ITPR3: variants seen among roughly 807,000 people sequenced by gnomAD.
ITPR3 encodes inositol 1,4,5-trisphosphate-gated calcium channel ITPR3.
A neutral mutation model predicts 293.2 loss-of-function variants in ITPR3; 173 were observed. The observed-to-expected ratio is 0.59, with a 90% CI of 0.52 to 0.67. The LOEUF (loss-of-function observed/expected upper bound fraction) is 0.67, where lower values mean the gene tolerates loss of function less well. Among genes scored for constraint, ITPR3 ranks in the 30% least tolerant of loss-of-function variants. The pLI is 0.00. For missense variants in ITPR3, 2,796 were observed against 3,592.1 expected, an observed-to-expected ratio of 0.78 and a Z score of 5.66; for synonymous variants, 1,295 against 1,444.4, an observed-to-expected ratio of 0.90 and a Z score of 2.35.
intron 30 of ITPR3, 97 bp downstream of exon 30, chr6:33,678,936 G>A: frequency 7.9e-7 from 1 of 1,268,972 alleles, no homozygotes; most frequent in Non-Finnish European, 1.1e-6. Context: ...GTCAGACGGT[G>A]GGTCACAAAA....
rs747314180 is a variant in ITPR3 at position 33,667,851 on chromosome 6, C to T, written c.1773C>T (p.Ala591=). ...MQSQIGYDIL[A]EDTITALLHN... ...CCCAGATTGGCTACGACATCCTGGC[C>T]GAGGACACCATCACTGCCCTGCTGC... The change falls in exon 16 of 58, where the codon GCC becomes GCT. Residue 591 remains alanine, a synonymous_variant. Coordinates refer to ENST00000605930, the MANE Select transcript of ITPR3 (RefSeq NM_002224.4). This position sits in a 1 kb window ranked among gnomAD's most constrained non-coding sequence, Gnocchi z 4.4. 7 of 1,614,028 alleles carry T rather than the reference C, an allele frequency of 4.3e-6. No homozygotes were observed. Among genetic ancestry groups the T allele is most frequent in the South Asian group, 2.2e-5 (2 of 91,082 alleles).
intron 1 of ITPR3, among the ~76,000 whole-genome samples, chr6:33,622,403 C>A (rs770612396): frequency 2.6e-5 from 4 of 152,194 alleles, no homozygotes; most frequent in Non-Finnish European, 4.4e-5. Context: ...AATCAGTTCA[C>A]GTCCCTGGAG....
In ITPR3 at chr6:33,693,645, C is replaced by T. The variant is rs1765455826; in HGVS notation, c.7725C>T (p.Val2575=). 1.2e-6 allele frequency: 2 copies of T among 1,614,094 alleles called. No homozygotes were observed. The highest frequency in any genetic ancestry group is 1.7e-6 in the Non-Finnish European group (2 of 1,180,046). The change falls in exon 56 of 58, where the codon GTC becomes GTT. Residue 2575 remains valine (V), a synonymous_variant. Transcript: ENST00000605930. ...ACTACTTGTACTTCATTGTGCTGGT[C>T]CGCGTGAAGAACAAGACCGACTACA... ...MWNYLYFIVL[V]RVKNKTDYTG...
chr6:33,654,659 C>G lies in ITPR3; in HGVS notation c.161-1107C>G, dbSNP rs62407648. On this transcript the variant is annotated intron_variant, in intron 2 of 57. Transcript: ENST00000605930. The surrounding 1 kb of genome is among the most constrained non-coding windows in gnomAD (Gnocchi z 4.1). ...GTTTCTGGGACCCTCGAGTGGCTCTCTCCTCTCCAGTCTCCCCACACAGCC... is the reference window on the plus strand; with the variant it reads ...GTTTCTGGGACCCTCGAGTGGCTCTGTCCTCTCCAGTCTCCCCACACAGCC... Among the ~76,000 whole-genome samples the G allele has an allele frequency of 0.18, 27,063 of 152,168 alleles. 3,099 individuals carry two copies. Among genetic ancestry groups the G allele is most frequent in the South Asian group, 0.25 (1,206 of 4,824 alleles).
At position 33,621,828 on chromosome 6, in the gene ITPR3, G is replaced by A; in HGVS notation, c.89+137G>A. 1 of 656,618 alleles carries A rather than the reference G, an allele frequency of 1.5e-6. No individual in the cohort carries two copies. Among genetic ancestry groups the A allele is most frequent in the Non-Finnish European group, 2.7e-6 (1 of 373,060 alleles). The allele number at this position is 656,618 out of a possible 1,614,324, so 40.7% of individuals were successfully genotyped here. The stretch of plus-strand genomic sequence containing the variant: ...TAGTCTCAAGGAGCGGGAACGGCTC[G>A]CCTCCTTCTTTTACAGAAAGGAAGT... On this transcript the variant is annotated intron_variant, in intron 1 of 57. Coordinates refer to ENST00000605930, the MANE Select transcript of ITPR3 (RefSeq NM_002224.4). This position sits in a 1 kb window ranked among gnomAD's most constrained non-coding sequence, Gnocchi z 7.7.
At position 33,684,582 on chromosome 6, in the gene ITPR3, TC is replaced by T; in HGVS notation, c.5047-13del. 2.5e-6 allele frequency: 4 copies of T among 1,613,324 alleles called. No individual in the cohort carries two copies. Among genetic ancestry groups the T allele is most frequent in the Non-Finnish European group, 3.4e-6 (4 of 1,179,346 alleles). ...GGCTGTACCCACAATGGGGCCTCACTCCCATCCTCCCCCAGGGCAACCAGCT... is the reference window on the plus strand; with the variant it reads ...GGCTGTACCCACAATGGGGCCTCACTCCATCCTCCCCCAGGGCAACCAGCT... On this transcript the variant is annotated splice_polypyrimidine_tract_variant and intron_variant, in intron 37 of 57. Coordinates refer to ENST00000605930, the MANE Select transcript of ITPR3 (RefSeq NM_002224.4). This position sits in a 1 kb window ranked among gnomAD's most constrained non-coding sequence, Gnocchi z 4.2.
At position 33,625,389 on chromosome 6, in the gene ITPR3, C is replaced by A. The variant is rs563282640; in HGVS notation, c.89+3698C>A. Among the ~76,000 whole-genome samples the A allele has an allele frequency of 2.0e-5, 3 of 152,294 alleles. No individual in the cohort carries two copies. The South Asian group carries it at 6.2e-4, about 32-fold the overall frequency. ...GGATTACAGGCATGTGCCTCCACAC[C>A]CAGCTAATTTTGTATTTTTAGTAGA... On this transcript the variant is annotated intron_variant, in intron 1 of 57. Transcript: ENST00000605930.
rs1440749132 is a variant in ITPR3 at position 33,682,550 on chromosome 6, G to A, written c.4503G>A (p.Leu1501=). Residue 1501 remains leucine (L), a synonymous_variant, in exon 34 of 58, where the codon CTG becomes CTA. Transcript: ENST00000605930. The surrounding 1 kb of genome is among the most constrained non-coding windows in gnomAD (Gnocchi z 5.4). Reference sequence around the variant, plus strand: ...CACACCAGACGATTGTGGTGCAGCTGCTGCAGTCTACCACACGCCTCCTCG... The same window carrying A: ...CACACCAGACGATTGTGGTGCAGCTACTGCAGTCTACCACACGCCTCCTCG... ...LQTHQTIVVQ[L]LQSTTRLLEC... 1.9e-6 allele frequency: 3 copies of A among 1,556,956 alleles called. No homozygotes were observed. The highest frequency in any genetic ancestry group is 2.6e-6 in the Non-Finnish European group (3 of 1,149,686).
At chr6:33,622,530 A>T (rs1270506214) in intron 1 of ITPR3, among the ~76,000 whole-genome samples, 2 of 152,128 alleles carry the variant, frequency 1.3e-5, no homozygotes, top group Non-Finnish European at 2.9e-5. Flanking sequence ...TGGTTTCTCC[A>T]GCCAGACCCC....
intron 1 of ITPR3, among the ~76,000 whole-genome samples, chr6:33,625,853 T>C (rs145118519): frequency 3.3e-5 from 5 of 152,280 alleles, no homozygotes; most frequent in African/African-American, 9.6e-5. Flanking sequence ...GTCTCCAGGC[T>C]CAGGATCCCT....
Position 33,667,109 on chromosome 6 carries a change from C to G in ITPR3, c.1552-20C>G, listed in dbSNP as rs774435497. 5.6e-6 allele frequency: 9 copies of G among 1,611,552 alleles called. No individual in the cohort carries two copies. In the Admixed American group the frequency reaches 1.3e-4, roughly 24 times the overall value. ...AGACAGGTGTTGGGGAATCAGTCCTCACCCTCTGTATTCCCCCAGGTCTTT... is the reference window on the plus strand; with the variant it reads ...AGACAGGTGTTGGGGAATCAGTCCTGACCCTCTGTATTCCCCCAGGTCTTT... On this transcript the variant is annotated intron_variant, in intron 14 of 57. Transcript: ENST00000605930. The surrounding 1 kb of genome is among the most constrained non-coding windows in gnomAD (Gnocchi z 4.4).
rs1177295708 is a variant in ITPR3 at position 33,655,813 on chromosome 6, C to A, written c.208C>A (p.Gln70Lys). 6.2e-7 allele frequency: 1 copy of A among 1,614,080 alleles called. No individual in the cohort carries two copies. Among genetic ancestry groups the A allele is most frequent in the South Asian group, 1.1e-5 (1 of 91,080 alleles). ...CPMNRYSAQK[Q>K]YWKAKQTKQD... ...CATGAACCGCTACTCGGCCCAGAAGCAGTACTGGAAGGCCAAGCAGACTAA... is the reference window on the plus strand; with the variant it reads ...CATGAACCGCTACTCGGCCCAGAAGAAGTACTGGAAGGCCAAGCAGACTAA... The change falls in exon 3 of 58, where the codon CAG becomes AAG. Residue 70 changes from glutamine to lysine, a missense_variant. Physicochemically the swap from Gln to Lys is moderately conservative, Grantham distance 53. This residue lies in a region of ITPR3 where 53 missense variants were observed against 45.7 expected (regional missense o/e 1.16). Transcript: ENST00000605930. This position sits in a 1 kb window ranked among gnomAD's most constrained non-coding sequence, Gnocchi z 4.9.
At chr6:33,671,828 T>A (rs946846248) in intron 21 of ITPR3, among the ~76,000 whole-genome samples, 22 of 152,000 alleles carry the variant, frequency 1.4e-4, no homozygotes, top group African/African-American at 5.3e-4. Context: ...CCCTGACACC[T>A]CCTTCTTTTC....
chr6:33,690,556 C>T (rs977159338), intron 51 of ITPR3, among the ~76,000 whole-genome samples: 5 of 152,222 alleles, frequency 3.3e-5, no homozygotes, highest in African/African-American at 1.2e-4. Context: ...GGGATAACAA[C>T]AGCCCCTGCA....
In ITPR3 at chr6:33,674,319, C is replaced by A. The variant is rs371282921; in HGVS notation, c.3116+54C>A. On this transcript the variant is annotated intron_variant, in intron 24 of 57. Coordinates refer to ENST00000605930, the MANE Select transcript of ITPR3 (RefSeq NM_002224.4). The stretch of plus-strand genomic sequence containing the variant: ...TGTGGGGTTGGGAGGCTCGACACCC[C>A]CTCTTGGTCTGGTCTGGGTTCCTGG... The A allele has an allele frequency of 2.8e-4, 430 of 1,562,340 alleles. 1 individual carries two copies. In the African/African-American group the frequency reaches 5.1e-3, roughly 19 times the overall value.
At chr6:33,678,933 G>A (rs375193497) in intron 30 of ITPR3, 94 bp downstream of exon 30, 4 of 1,279,276 alleles carry the variant, frequency 3.1e-6, no homozygotes, top group East Asian at 2.5e-5. Flanking sequence ...GAAGTCAGAC[G>A]GTGGGTCACA....
Position 33,658,128 on chromosome 6 carries a change from C to A in ITPR3, c.369+110C>A. ...ATTGCCCTCTGTGCATGTGTGTCCC[C>A]GGGTGAATGAGTGGCCCTGGGGCCA... is the stretch of plus-strand genomic sequence containing the variant. On this transcript the variant is annotated intron_variant, in intron 4 of 57. Transcript: ENST00000605930. The surrounding 1 kb of genome is among the most constrained non-coding windows in gnomAD (Gnocchi z 6.1). 2.2e-6 allele frequency: 2 copies of A among 924,058 alleles called. No homozygotes were observed. Among genetic ancestry groups the A allele is most frequent in the Non-Finnish European group, 3.4e-6 (2 of 581,964 alleles). 57.2% of individuals were successfully genotyped at this position (924,058 alleles called of 1,614,324 possible). A position where few individuals can be genotyped will look rare whatever the true frequency, so the allele number is the denominator to read the frequency against.
intron 25 of ITPR3, among the ~76,000 whole-genome samples, chr6:33,676,210 G>C (rs879611888): frequency 6.6e-6 from 1 of 152,226 alleles, no homozygotes; most frequent in Non-Finnish European, 1.5e-5. Flanking sequence ...ACCAGTCGGC[G>C]TTGGCCTTTA....
chr6:33,671,660 G>GTTA (rs1225565363), intron 21 of ITPR3, among the ~76,000 whole-genome samples: 3 of 152,206 alleles, frequency 2.0e-5, no homozygotes, highest in African/African-American at 4.8e-5. Flanking sequence ...GACACTCCCA[G>GTTA]GCTGCATAAA....
Sources: allele counts gnomAD v4.1 joint callset (sites outside exome capture counted in the v4.1 genomes callset), GRCh38; gene constraint gnomAD v4.1.1; regional missense constraint gnomAD v4.1.1; non-coding constraint Gnocchi (gnomAD v3.1); transcripts MANE v1.5; gene names NCBI Gene and HGNC (gene_info 2026-07-23, HGNC 2026-07-21).